RFC3: variants seen among roughly 807,000 people sequenced by gnomAD.
The protein encoded by RFC3 is A1 38 kDa subunit.
In RFC3, 41 loss-of-function variants were observed where a neutral mutation model predicts 45.1. The observed-to-expected ratio is 0.91, with a 90% CI of 0.71 to 1.18. RFC3 has a LOEUF of 1.18. Ranked by LOEUF, RFC3 falls within the 50% of genes most tolerant of loss-of-function variation. The probability of loss-of-function intolerance (pLI) is 0.00; values close to 1 mark genes in which losing one functional copy is unlikely to be tolerated. For missense variants in RFC3, 423 were observed against 428.1 expected (o/e 0.99, Z 0.10); for synonymous variants, 149 against 144.0 (o/e 1.03, Z -0.25).
chr13:33,856,188 A>G (rs2082307930), intron 8 of RFC3, among the ~76,000 whole-genome samples: 1 of 152,204 alleles, frequency 6.6e-6, no homozygotes, highest in African/African-American at 2.4e-5. Flanking sequence ...CTTTGCAGCA[A>G]CACAGATGGA....
chr13:33,848,275 G>T (rs750378174), intron 8 of RFC3: 1 of 152,140 alleles, frequency 6.6e-6, no homozygotes, highest in African/African-American at 2.4e-5. Context: ...CAGCAGTGGG[G>T]ATTATCTGGG....
intron 8 of RFC3, among the ~76,000 whole-genome samples, chr13:33,961,731 C>T (rs1303593719): frequency 6.6e-6 from 1 of 152,172 alleles, no homozygotes; most frequent in East Asian, 1.9e-4. Flanking sequence ...GAGGAACACT[C>T]AAGACAGCAC....
At chr13:33,968,137 CT>C (rs1022645936), downstream of RFC3, among the ~76,000 whole-genome samples, 10 of 151,848 alleles carry the variant, frequency 6.6e-5, no homozygotes, top group African/African-American at 9.7e-5. Flanking sequence ...GCATTTACTC[CT>C]TTTTTTTGAG....
At chr13:33,931,361 C>T (rs1389613778) in intron 8 of RFC3, among the ~76,000 whole-genome samples, 2 of 152,086 alleles carry the variant, frequency 1.3e-5, no homozygotes, top group African/African-American at 4.8e-5. Context: ...CGGGTCCCCA[C>T]CCTGGAGTTT....
chr13:33,832,979 A>G (rs1383228392), intron 7 of RFC3, among the ~76,000 whole-genome samples: 8 of 152,192 alleles, frequency 5.3e-5, no homozygotes, highest in African/African-American at 1.9e-4. Flanking sequence ...TTTTCCTAAC[A>G]CATTTTGACG....
chr13:33,860,340 C>T (rs749497047), intron 8 of RFC3, among the ~76,000 whole-genome samples: 2 of 151,866 alleles, frequency 1.3e-5, no homozygotes, highest in African/African-American at 4.8e-5. Context: ...GGCTTTTGGC[C>T]ACCACACACT....
chr13:33,927,526 G>A (rs533685173), intron 8 of RFC3, among the ~76,000 whole-genome samples: 1 of 152,070 alleles, frequency 6.6e-6, no homozygotes, highest in Non-Finnish European at 1.5e-5. Flanking sequence ...TTGTTTAAGA[G>A]GCCAACTCTC....
At chr13:33,906,249 A>T (rs2082670983) in intron 8 of RFC3, among the ~76,000 whole-genome samples, 1 of 152,088 alleles carries the variant, frequency 6.6e-6, no homozygotes, top group Non-Finnish European at 1.5e-5. Context: ...GTAGTGTGTG[A>T]TTCTTATTTA....
At chr13:33,844,213 G>T (rs931290805) in intron 8 of RFC3, among the ~76,000 whole-genome samples, 1 of 152,196 alleles carries the variant, frequency 6.6e-6, no homozygotes, top group Non-Finnish European at 1.5e-5. Flanking sequence ...TGTAGCAGCA[G>T]TGGCTGCCCC....
chr13:33,896,117 T>G (rs7994924), intron 8 of RFC3, among the ~76,000 whole-genome samples: 3 of 151,446 alleles, frequency 2.0e-5, no homozygotes, highest in African/African-American at 7.3e-5. Flanking sequence ...TACAATTTGT[T>G]TGCATAACAA....
chr13:33,948,118 G>A (rs561771492), intron 8 of RFC3, among the ~76,000 whole-genome samples: 52 of 152,302 alleles, frequency 3.4e-4, no homozygotes, highest in African/African-American at 1.2e-3. Flanking sequence ...ATCACAGACC[G>A]AGACCTAAGA....
intron 8 of RFC3, among the ~76,000 whole-genome samples, chr13:33,943,161 G>C (rs995162506): frequency 7.2e-5 from 11 of 152,222 alleles, no homozygotes; most frequent in African/African-American, 2.6e-4. Context: ...GATGGGCAGG[G>C]ATAAGCCCTG....
At chr13:33,949,431 TAGAA>T (rs1236464582) in intron 8 of RFC3, among the ~76,000 whole-genome samples, 2 of 152,204 alleles carry the variant, frequency 1.3e-5, no homozygotes, top group Non-Finnish European at 2.9e-5. Context: ...AATCAGCAAT[TAGAA>T]AGCTAAAAAT....
the RFC3 span, among the ~76,000 whole-genome samples, chr13:33,974,122 C>G: frequency 1.2e-4 from 19 of 152,228 alleles, no homozygotes; most frequent in Non-Finnish European, 2.5e-4. Context: ...TGATTTTTGG[C>G]CAAGGTCTGG....
intron 7 of RFC3, 33 bp from the exon 8 acceptor site, chr13:33,835,115 T>G: frequency 6.9e-7 from 1 of 1,453,340 alleles, no homozygotes; most frequent in Non-Finnish European, 9.5e-7. Context: ...TCTTATTTTC[T>G]TCACAAAATA....
intron 8 of RFC3, among the ~76,000 whole-genome samples, chr13:33,906,953 A>C (rs9570567): frequency 0.31 from 46,669 of 151,898 alleles, 11,499 homozygotes; most frequent in African/African-American, 0.66. Context: ...CTCAGCCTCC[A>C]AAGTAGCTGA....
chr13:33,861,382 C>T (rs555717173), intron 8 of RFC3, among the ~76,000 whole-genome samples: 4 of 152,040 alleles, frequency 2.6e-5, no homozygotes, highest in Non-Finnish European at 4.4e-5. Flanking sequence ...AATCCCAGCA[C>T]TTTGGGAGGC....
chr13:33,897,720 A>G (rs916420691), intron 8 of RFC3, among the ~76,000 whole-genome samples: 2 of 152,096 alleles, frequency 1.3e-5, no homozygotes, highest in African/African-American at 4.8e-5. Flanking sequence ...AAGGAATGGA[A>G]GAAGATATTC....
chr13:33,955,254 T>C (rs2083014830), intron 8 of RFC3, among the ~76,000 whole-genome samples: 1 of 152,180 alleles, frequency 6.6e-6, no homozygotes, highest in African/African-American at 2.4e-5. Flanking sequence ...TTCTACAAAC[T>C]AACCAAGTTT....
Sources: gnomAD v4.1 joint callset for allele counts (sites outside exome capture counted in the v4.1 genomes callset) on GRCh38, gnomAD v4.1.1 for gene constraint, MANE v1.5 for transcripts, NCBI Gene and HGNC (gene_info 2026-07-23, HGNC 2026-07-21) for gene names.